Variants in CSMD1 observed in about 807,000 individuals in gnomAD.
CSMD1 encodes CUB and sushi domain-containing protein 1.
Under a neutral mutation model 417.5 loss-of-function variants are expected in CSMD1, and 213 were observed. The observed-to-expected ratio is 0.51, with a 90% confidence interval of 0.46 to 0.57. The LOEUF (loss-of-function observed/expected upper bound fraction) is 0.57, where lower values mean the gene tolerates loss of function less well. CSMD1 is among the 20% of genes least tolerant of loss of function. The pLI is 0.00. For synonymous variants in CSMD1, 2,862 were observed against 1,736.8 expected (o/e 1.65, Z -16.11); for missense variants, 6,923 against 4,529.7 (o/e 1.53, Z -15.17).
chr8:4,107,586 G>A (rs563691304), intron 3 of CSMD1, among the ~76,000 whole-genome samples: 2 of 152,276 alleles, frequency 1.3e-5, no homozygotes, highest in East Asian at 1.9e-4. Flanking sequence ...ATAAGCAAGC[G>A]CTTTGTGAAT....
chr8:3,608,290 G>A (rs1021192317), intron 8 of CSMD1, among the ~76,000 whole-genome samples: 2 of 152,110 alleles, frequency 1.3e-5, no homozygotes, highest in African/African-American at 4.8e-5. Context: ...AATCAGGGCT[G>A]TGGCCACATG....
At chr8:3,149,794 T>C (rs1489094180) in intron 40 of CSMD1, among the ~76,000 whole-genome samples, 1 of 152,172 alleles carries the variant, frequency 6.6e-6, no homozygotes, top group Non-Finnish European at 1.5e-5. Context: ...ATTTCAGGTA[T>C]AGAAAGGAGG....
chr8:4,834,666 A>G (rs889905706), intron 1 of CSMD1, among the ~76,000 whole-genome samples: 4 of 147,890 alleles, frequency 2.7e-5, no homozygotes, highest in East Asian at 3.9e-4. Context: ...AATTAAAAGG[A>G]AAAAAAAAGG....
At chr8:3,057,347 A>G (rs1159337640) in intron 49 of CSMD1, among the ~76,000 whole-genome samples, 1 of 152,214 alleles carries the variant, frequency 6.6e-6, no homozygotes, top group Non-Finnish European at 1.5e-5. Flanking sequence ...GTATATATTT[A>G]GTAAGATTAT....
intron 5 of CSMD1, among the ~76,000 whole-genome samples, chr8:3,983,222 C>A (rs1353644553): frequency 6.6e-6 from 1 of 151,562 alleles, no homozygotes; most frequent in African/African-American, 2.4e-5. Flanking sequence ...GCTCCACCTC[C>A]CGGGTTCACG....
chr8:3,000,127 GC>G lies in CSMD1; in HGVS notation c.8033del (p.Gly2678AlafsTer10). ...CAATCGGGTCTGGGGAACCGCAGTG[GC>G]CAGCTAAAAATGTTAAACCAATTTT... The part of the protein sequence containing the change: ...WSGSETRCLA[G>X]HCGSPDPIVN... On this transcript the variant is annotated frameshift_variant, in exon 53 of 70. Transcript: ENST00000635120. LOFTEE classifies it high-confidence loss of function. 1 of 1,535,710 alleles carries G rather than the reference GC, an allele frequency of 6.5e-7. No homozygotes were observed. Among genetic ancestry groups the G allele is most frequent in the Non-Finnish European group, 8.8e-7 (1 of 1,138,258 alleles).
At chr8:4,483,934 G>A (rs1481867845) in intron 2 of CSMD1, among the ~76,000 whole-genome samples, 1 of 152,142 alleles carries the variant, frequency 6.6e-6, no homozygotes. Flanking sequence ...TCACTTTGTT[G>A]TATAATGTCG....
intron 1 of CSMD1, among the ~76,000 whole-genome samples, chr8:4,649,120 G>C (rs563762618): frequency 6.6e-5 from 10 of 152,140 alleles, no homozygotes; most frequent in Non-Finnish European, 1.3e-4. Context: ...GTCATTATAT[G>C]ATCTAACCTT....
At chr8:3,676,624 G>C (rs1272364108) in intron 7 of CSMD1, among the ~76,000 whole-genome samples, 1 of 152,154 alleles carries the variant, frequency 6.6e-6, no homozygotes, top group Non-Finnish European at 1.5e-5. Context: ...CCGTGAGCTT[G>C]TGTGTTGTGG....
Position 3,435,239 on chromosome 8 carries a change from T to C in CSMD1, c.1562-25634A>G, listed in dbSNP as rs147962944. ...GCACAGAGCTCCCTGGGAAAGAAAA[T>C]AGTATCCCTGACAGTTAATATGTGT... On this transcript the variant is annotated intron_variant, in intron 12 of 69. Transcript: ENST00000635120. 4.3e-3 allele frequency among the ~76,000 whole-genome samples: 652 copies of C among 152,232 alleles called. 2 individuals are homozygous for C. Among genetic ancestry groups the C allele is most frequent in the Middle Eastern group, 0.034 (10 of 294 alleles).
At chr8:4,073,160 T>C (rs1305889599) in intron 3 of CSMD1, among the ~76,000 whole-genome samples, 3 of 152,144 alleles carry the variant, frequency 2.0e-5, no homozygotes, top group Non-Finnish European at 4.4e-5. Flanking sequence ...GATTTCACTT[T>C]TAGAAAAAAT....
intron 7 of CSMD1, among the ~76,000 whole-genome samples, chr8:3,641,420 T>C (rs2117317190): frequency 6.6e-6 from 1 of 152,292 alleles, no homozygotes; most frequent in African/African-American, 2.4e-5. Context: ...AAAATTGGGT[T>C]CTTCTTATAA....
At chr8:4,847,314 G>A (rs996812654) in intron 1 of CSMD1, among the ~76,000 whole-genome samples, 1 of 152,132 alleles carries the variant, frequency 6.6e-6, no homozygotes, top group Non-Finnish European at 1.5e-5. Flanking sequence ...AATAATTTCA[G>A]ACAACAGATC....
At chr8:4,190,253 C>CAAAA (rs11397581) in intron 3 of CSMD1, among the ~76,000 whole-genome samples, 11 of 67,044 alleles carry the variant, frequency 1.6e-4, no homozygotes, top group Non-Finnish European at 3.0e-4. Flanking sequence ...ACTCCGTCTC[C>CAAAA]AAAAAAAAAA....
intron 3 of CSMD1, among the ~76,000 whole-genome samples, chr8:4,056,263 A>G (rs1798685306): frequency 2.6e-5 from 4 of 151,572 alleles, no homozygotes; most frequent in Admixed American, 6.6e-5. Context: ...TGTATTTTTT[A>G]GTAGAGATGG....
intron 1 of CSMD1, among the ~76,000 whole-genome samples, chr8:4,910,472 G>C (rs1484554125): frequency 3.3e-5 from 5 of 152,188 alleles, no homozygotes; most frequent in Admixed American, 1.3e-4. Context: ...CTCTGATGCA[G>C]GGTCTTGCCT....
At chr8:3,690,082 C>A (rs7015253) in intron 7 of CSMD1, among the ~76,000 whole-genome samples, 6 of 152,330 alleles carry the variant, frequency 3.9e-5, no homozygotes, top group African/African-American at 9.6e-5. Flanking sequence ...ATCTAGGCTG[C>A]GCGTAGTGGC....
chr8:4,118,002 G>A (rs1394087754), intron 3 of CSMD1, among the ~76,000 whole-genome samples: 9 of 149,748 alleles, frequency 6.0e-5, no homozygotes, highest in Admixed American at 6.0e-4. Flanking sequence ...CATGAGAAAT[G>A]ACATAGGTAA....
chr8:3,233,883 G>C (rs144856764), intron 26 of CSMD1, among the ~76,000 whole-genome samples: 347 of 152,182 alleles, frequency 2.3e-3, no homozygotes, highest in Non-Finnish European at 4.1e-3. Context: ...TAAATTAACA[G>C]CTTGAGGCAT....
Sources: allele counts gnomAD v4.1 joint callset (sites outside exome capture counted in the v4.1 genomes callset), GRCh38; gene constraint gnomAD v4.1.1; transcripts MANE v1.5; gene names NCBI Gene and HGNC (gene_info 2026-07-23, HGNC 2026-07-21).